SLC2A5: variants seen among roughly 807,000 people sequenced by gnomAD.
SLC2A5 encodes solute carrier family 2, facilitated glucose transporter member 5.
In SLC2A5, 56 loss-of-function variants were observed where a neutral mutation model predicts 50.3. The ratio of observed to expected loss-of-function variants is 1.11; its 90% CI spans 0.90 to 1.39. The LOEUF (loss-of-function observed/expected upper bound fraction) is 1.39, where lower values mean the gene tolerates loss of function less well. Ranked by LOEUF, SLC2A5 falls within the 40% of genes most tolerant of loss-of-function variation. The pLI is 0.00. For missense variants in SLC2A5, 566 were observed against 650.1 expected (o/e 0.87, Z 1.41); for synonymous variants, 269 against 281.9 (o/e 0.95, Z 0.46).
chr1:9,058,275 G>A lies in SLC2A5; in HGVS notation c.34-25C>T, dbSNP rs201552487. ...TCTGCAGAGATCACAGCTTAGGTCA[G>A]GAAGCAGCCCCAGGGTTCCAGGGCC... is the stretch of plus-strand genomic sequence containing the variant. On this transcript the variant is annotated intron_variant, in intron 1 of 11. Coordinates refer to ENST00000377424, the MANE Select transcript of SLC2A5 (RefSeq NM_003039.3). 1.3e-4 allele frequency: 209 copies of A among 1,570,076 alleles called. No homozygotes were observed. The African/African-American group carries it at 1.8e-3, about 13-fold the overall frequency.
rs1642166589 is a variant in SLC2A5 at position 9,069,443 on chromosome 1, G to C, written c.33+61C>G. 2.5e-6 allele frequency: 4 copies of C among 1,582,514 alleles called. No individual in the cohort carries two copies. In the South Asian group the frequency reaches 4.4e-5, roughly 18 times the overall value. ...AGCCCCCCAGCGACTCTCCAGGAAG[G>C]CTGCACAGGCCCTGGCAGCCAAGCC... On this transcript the variant is annotated intron_variant, in intron 1 of 11. Transcript: ENST00000377424.
At chr1:9,082,880 C>CAA (rs35170455) in intron 2 of SLC2A5, 2,842 of 137,426 alleles carry the variant, frequency 0.021, 52 homozygotes, top group African/African-American at 0.066. Context: ...GCAAACAGGA[C>CAA]AAAAAAAAAA....
At position 9,039,687 on chromosome 1, in the gene SLC2A5, C is replaced by T. The variant is rs368017715; in HGVS notation, c.886-25G>A. ...TCTGCAAGGCAAGCGCGGGGCTGGG[C>T]GGCTGCCCGGAGGAGGCGGCCTCGG... On this transcript the variant is annotated intron_variant, in intron 7 of 11. Transcript: ENST00000377424. 361 of 1,495,070 alleles carry T rather than the reference C, an allele frequency of 2.4e-4. 1 individual carries two copies. In the African/African-American group the frequency reaches 3.9e-3, roughly 16 times the overall value. The allele number at this position is 1,495,070 out of a possible 1,614,324, so 92.6% of individuals were successfully genotyped here. A position where few individuals can be genotyped will look rare whatever the true frequency, so the allele number is the denominator to read the frequency against.
chr1:9,072,032 GT>G (rs1201681436), upstream of SLC2A5: 4 of 153,472 alleles, frequency 2.6e-5, no homozygotes, highest in Admixed American at 2.6e-4. Flanking sequence ...CTTTGCCCGA[GT>G]CCCCCTCAGC....
intron 3 of SLC2A5, among the ~76,000 whole-genome samples, chr1:9,055,838 C>T (rs972585723): frequency 6.6e-6 from 1 of 152,096 alleles, no homozygotes; most frequent in Non-Finnish European, 1.5e-5. Context: ...ATGGCTTGAA[C>T]CCAGGAGGTG....
upstream of SLC2A5, among the ~76,000 whole-genome samples, chr1:9,092,937 C>A (rs1642474761): frequency 6.6e-6 from 1 of 152,096 alleles, no homozygotes; most frequent in Non-Finnish European, 1.5e-5. Context: ...TGCCTTTAGC[C>A]CTTCCAAAAA....
chr1:9,058,364 C>A, intron 1 of SLC2A5, 114 bp from the exon 2 acceptor site: 1 of 738,698 alleles, frequency 1.4e-6, no homozygotes, highest in Non-Finnish European at 2.4e-6. Context: ...AGTCTTGAGA[C>A]TACTCCATTC....
At chr1:9,041,257 G>A (rs147214084) in intron 5 of SLC2A5, 150 of 399,754 alleles carry the variant, frequency 3.8e-4, no homozygotes, top group Middle Eastern at 2.5e-3. Context: ...TGCACCTGCC[G>A]CATGCCAGGC....
intron 4 of SLC2A5, among the ~76,000 whole-genome samples, chr1:9,043,784 C>T (rs549032763): frequency 1.3e-5 from 2 of 150,392 alleles, no homozygotes; most frequent in African/African-American, 2.4e-5. Flanking sequence ...TGCAGTGGTG[C>T]GATCTCAGCT....
intron 2 of SLC2A5, among the ~76,000 whole-genome samples, chr1:9,076,299 C>T (rs1463229848): frequency 1.3e-5 from 2 of 152,090 alleles, no homozygotes; most frequent in Non-Finnish European, 2.9e-5. Context: ...GAGTGAAAGG[C>T]CCAAAGACCC....
chr1:9,057,099 T>C (rs948010060), intron 3 of SLC2A5, among the ~76,000 whole-genome samples: 13 of 152,036 alleles, frequency 8.6e-5, no homozygotes, highest in African/African-American at 2.7e-4. Flanking sequence ...TGAGACCAGC[T>C]TGACCAACAT....
Position 9,055,422 on chromosome 1 carries a change from C to A in SLC2A5, c.293+2026G>T, listed in dbSNP as rs139414258. Among the ~76,000 whole-genome samples, 1,241 of 152,018 alleles carry A rather than the reference C, an allele frequency of 8.2e-3. 18 individuals carry two copies. Among genetic ancestry groups the A allele is most frequent in the African/African-American group, 0.028 (1,154 of 41,452 alleles). ...ATCCCAGCTACTTGGGAGGCCGAGG[C>A]AGGAGAATCGTTTGAACCCGGGAGG... On this transcript the variant is annotated intron_variant, in intron 3 of 11. Coordinates refer to ENST00000377424, the MANE Select transcript of SLC2A5 (RefSeq NM_003039.3).
intron 5 of SLC2A5, chr1:9,041,178 G>C (rs975485014): frequency 2.3e-5 from 9 of 388,656 alleles, no homozygotes; most frequent in Non-Finnish European, 4.1e-5. Flanking sequence ...TTATGTTTTG[G>C]CTGACGGGAT....
rs548695024 is a variant in SLC2A5 at position 9,038,174 on chromosome 1, C to T, written c.1175-150G>A. ...GGGGCAGCACGTAGGGGGCAAACGG[C>T]AGTGTACAGGGATGGCAGGCCAGCA... On this transcript the variant is annotated intron_variant, in intron 10 of 11. Transcript: ENST00000377424. 1.1e-5 allele frequency: 10 copies of T among 921,266 alleles called. No homozygotes were observed. In the African/African-American group the frequency reaches 1.2e-4, roughly 11 times the overall value. The allele number at this position is 921,266 out of a possible 1,614,324, so 57.1% of individuals were successfully genotyped here.
rs372460370 is a variant in SLC2A5 at position 9,040,215 on chromosome 1, C to T, written c.572-26G>A. The T allele has an allele frequency of 2.5e-5, 39 of 1,541,382 alleles. No homozygotes were observed. In the African/African-American group the frequency reaches 4.5e-4, roughly 18 times the overall value. On this transcript the variant is annotated intron_variant, in intron 5 of 11. Transcript: ENST00000377424. This position sits in a 1 kb window ranked among gnomAD's most constrained non-coding sequence, Gnocchi z 4.3. ...CTGGGAGGAAGGCAGCGAGCTGGCA[C>T]CAGCGGCCTCCCCACCACCCCGAAG... is the stretch of plus-strand genomic sequence containing the variant.
chr1:9,044,275 G>A (rs1372792648), intron 4 of SLC2A5, among the ~76,000 whole-genome samples: 1 of 151,890 alleles, frequency 6.6e-6, no homozygotes, highest in African/African-American at 2.4e-5. Context: ...AGCTTGCAGT[G>A]AGCCGAGACC....
At chr1:9,044,642 C>T (rs1641394163) in intron 4 of SLC2A5, among the ~76,000 whole-genome samples, 1 of 152,086 alleles carries the variant, frequency 6.6e-6, no homozygotes, top group African/African-American at 2.4e-5. Flanking sequence ...GCAACCTCCC[C>T]ATCCTGGGTT....
chr1:9,039,729 C>G, intron 7 of SLC2A5, 67 bp from the exon 8 acceptor site: 1 of 1,428,200 alleles, frequency 7.0e-7, no homozygotes, highest in Non-Finnish European at 9.2e-7. Context: ...GACCCACGCC[C>G]GGCGCCCCAG....
At chr1:9,070,659 C>G (rs1642195042), upstream of SLC2A5, among the ~76,000 whole-genome samples, 1 of 152,168 alleles carries the variant, frequency 6.6e-6, no homozygotes, top group South Asian at 2.1e-4. Context: ...AGAACATACT[C>G]CCAGTTCTAT....
Sources: gnomAD v4.1 joint callset for allele counts (sites outside exome capture counted in the v4.1 genomes callset) on GRCh38, gnomAD v4.1.1 for gene constraint, Gnocchi (gnomAD v3.1) non-coding constraint, MANE v1.5 for transcripts, NCBI Gene and HGNC (gene_info 2026-07-23, HGNC 2026-07-21) for gene names.